ARL8A: variants seen among roughly 807,000 people sequenced by gnomAD.
ARL8A encodes ADP-ribosylation factor-like protein 8A.
A neutral mutation model predicts 31.2 loss-of-function variants in ARL8A; 10 were observed. The observed-to-expected ratio is 0.32, with a 90% CI of 0.20 to 0.54. The LOEUF is 0.54. Ranked by LOEUF, ARL8A falls within the 20% of genes least tolerant of loss-of-function variation. The pLI, the probability that ARL8A is intolerant of heterozygous loss-of-function variation, is 0.93. For synonymous variants in ARL8A, 70 were observed against 86.9 expected (o/e 0.81, Z 1.08); for missense variants, 129 against 242.8 (o/e 0.53, Z 3.12).
rs770857905 is a variant in ARL8A, at chr1:202,134,478, G to T, written c.550C>A (p.Arg184=). 1.7e-5 allele frequency: 28 copies of T among 1,613,238 alleles called. No individual in the cohort carries two copies. In the East Asian group the frequency reaches 5.6e-4, roughly 32 times the overall value. Residue 184 remains arginine (R), a synonymous_variant, in exon 7 of 7, where the codon CGG becomes AGG. Transcript: ENST00000272217. The surrounding 1 kb of genome is among the most constrained non-coding windows in gnomAD (Gnocchi z 4.2). ...GAAGGGCTGGAGTCTCAGCTTCTCCGTGACTTCGAGTGTTGAATAAGCCAC... is the reference window on the plus strand; with the variant it reads ...GAAGGGCTGGAGTCTCAGCTTCTCCTTGACTTCGAGTGTTGAATAAGCCAC... The part of the protein sequence containing the change: ...LQWLIQHSKS[R]RS
intron 1 of ARL8A, among the ~76,000 whole-genome samples, chr1:202,142,393 A>G (rs1655186122): frequency 6.6e-6 from 1 of 151,908 alleles, no homozygotes; most frequent in East Asian, 1.9e-4. Flanking sequence ...AGGGGTCCCA[A>G]CTCTTCGTTT....
rs538551193 is a variant in ARL8A, at chr1:202,138,287, C to A, written c.204+81G>T. The A allele has an allele frequency of 2.6e-4, 376 of 1,442,788 alleles. No homozygotes were observed. Among genetic ancestry groups the A allele is most frequent in the Non-Finnish European group, 3.4e-4 (359 of 1,060,172 alleles). The allele number at this position is 1,442,788 out of a possible 1,614,324, so 89.4% of individuals were successfully genotyped here. A position where few individuals can be genotyped will look rare whatever the true frequency, so the allele number is the denominator to read the frequency against. On this transcript the variant is annotated intron_variant, in intron 2 of 6. Coordinates refer to ENST00000272217, the MANE Select transcript of ARL8A (RefSeq NM_138795.4). The surrounding 1 kb of genome is among the most constrained non-coding windows in gnomAD (Gnocchi z 4.4). ...CGCTCCTCCCAGGGGCCTCCGTTGCCCTCCCCAACACACACACACACACAC... is the reference window on the plus strand; with the variant it reads ...CGCTCCTCCCAGGGGCCTCCGTTGCACTCCCCAACACACACACACACACAC...
intron 1 of ARL8A, among the ~76,000 whole-genome samples, chr1:202,143,601 C>CGA (rs1655221451): frequency 6.6e-6 from 1 of 152,202 alleles, no homozygotes; most frequent in Non-Finnish European, 1.5e-5. Context: ...TCATCTTCCC[C>CGA]TTTTTTGAGA....
rs762466601 is a variant in ARL8A, at chr1:202,138,328, A to ACACAC, written c.204+39_204+40insGTGTG. ...ACACACACACACACACACACACACA[A>ACACAC]AAACAGTCCTCTGCACCCCCCAAGC... is the stretch of plus-strand genomic sequence containing the variant. On this transcript the variant is annotated intron_variant, in intron 2 of 6. Transcript: ENST00000272217. This position sits in a 1 kb window ranked among gnomAD's most constrained non-coding sequence, Gnocchi z 4.4. 1.5e-5 allele frequency: 22 copies of ACACAC among 1,464,168 alleles called. 1 individual carries two copies. In the African/African-American group the frequency reaches 3.7e-4, roughly 25 times the overall value. The allele number at this position is 1,464,168 out of a possible 1,614,324, so 90.7% of individuals were successfully genotyped here.
At position 202,133,699 on chromosome 1, in the gene ARL8A, G is replaced by C. The variant is rs1654924723; in HGVS notation, c.*768C>G. ...GGGGAGGGGCGGGAGCTGGGAGCCAGGAACAGGCAGGAGGGGGCTGCTGGG... is the reference window on the plus strand; with the variant it reads ...GGGGAGGGGCGGGAGCTGGGAGCCACGAACAGGCAGGAGGGGGCTGCTGGG... On this transcript the variant is annotated 3_prime_UTR_variant, in exon 7 of 7. Transcript: ENST00000272217. 2 of 152,452 alleles carry C rather than the reference G, an allele frequency of 1.3e-5. No homozygotes were observed. The highest frequency in any genetic ancestry group is 6.5e-5 in the Admixed American group (1 of 15,314). 9.4% of individuals were successfully genotyped at this position (152,452 alleles called of 1,614,324 possible).
Position 202,135,555 on chromosome 1 carries a change from T to C in ARL8A, c.373-29A>G, listed in dbSNP as rs749059858. The stretch of plus-strand genomic sequence containing the variant: ...CGGAGAAGGGAGGGTGAGGATGAGG[T>C]CTAGGGCAGCCGTGCCCAGGTTGTC... On this transcript the variant is annotated intron_variant, in intron 4 of 6. Coordinates refer to ENST00000272217, the MANE Select transcript of ARL8A (RefSeq NM_138795.4). The surrounding 1 kb of genome is among the most constrained non-coding windows in gnomAD (Gnocchi z 5.3). 2.4e-5 allele frequency: 38 copies of C among 1,612,398 alleles called. No homozygotes were observed.
At position 202,144,679 on chromosome 1, in the gene ARL8A, T is replaced by A. The variant is rs1233864659; in HGVS notation, c.-107A>T. The A allele has an allele frequency of 9.5e-7, 1 of 1,052,406 alleles. No homozygotes were observed. Among genetic ancestry groups the A allele is most frequent in the East Asian group, 7.2e-5 (1 of 13,886 alleles). 65.2% of individuals were successfully genotyped at this position (1,052,406 alleles called of 1,614,324 possible). A position where few individuals can be genotyped will look rare whatever the true frequency, so the allele number is the denominator to read the frequency against. On this transcript the variant is annotated 5_prime_UTR_variant, in exon 1 of 7. Transcript: ENST00000272217. This position sits in a 1 kb window ranked among gnomAD's most constrained non-coding sequence, Gnocchi z 5.2. The stretch of plus-strand genomic sequence containing the variant: ...CCCGGTACGGCCCGGGTCCCGCGGC[T>A]CGGTGCGGGCGGAGGCTCGAGCGCG...
Position 202,138,252 on chromosome 1 carries a change from C to T in ARL8A, c.204+116G>A. 7.9e-7 allele frequency: 1 copy of T among 1,270,192 alleles called. No homozygotes were observed. Among genetic ancestry groups the T allele is most frequent in the Non-Finnish European group, 1.1e-6 (1 of 891,260 alleles). The allele number at this position is 1,270,192 out of a possible 1,614,324, so 78.7% of individuals were successfully genotyped here. ...AGCAGGGGGACCCTGGCCTCTGCCC[C>T]ACTTCAGCTCGCTCCTCCCAGGGGC... is the stretch of plus-strand genomic sequence containing the variant. On this transcript the variant is annotated intron_variant, in intron 2 of 6. Coordinates refer to ENST00000272217, the MANE Select transcript of ARL8A (RefSeq NM_138795.4). The surrounding 1 kb of genome is among the most constrained non-coding windows in gnomAD (Gnocchi z 4.4).
Position 202,138,301 on chromosome 1 carries a change from ACACAC to A in ARL8A, c.204+62_204+66del. The A allele has an allele frequency of 1.7e-6, 1 of 572,082 alleles. No homozygotes were observed. The highest frequency in any genetic ancestry group is 2.3e-6 in the Non-Finnish European group (1 of 428,564). 35.4% of individuals were successfully genotyped at this position (572,082 alleles called of 1,614,324 possible). ...GCCTCCGTTGCCCTCCCCAACACAC[ACACAC>A]ACACACACACACACACACACAAAAA... On this transcript the variant is annotated intron_variant, in intron 2 of 6. Coordinates refer to ENST00000272217, the MANE Select transcript of ARL8A (RefSeq NM_138795.4). The surrounding 1 kb of genome is among the most constrained non-coding windows in gnomAD (Gnocchi z 4.4).
At chr1:202,139,893 C>CT (rs1316547009) in intron 1 of ARL8A, among the ~76,000 whole-genome samples, 5 of 151,918 alleles carry the variant, frequency 3.3e-5, no homozygotes, top group Non-Finnish European at 1.5e-5. Context: ...AGTGATCTGC[C>CT]TACCTGGGCC....
chr1:202,135,122 TCTC>T lies in ARL8A; in HGVS notation c.511+25_511+27del. On this transcript the variant is annotated intron_variant, in intron 6 of 6. Transcript: ENST00000272217. The surrounding 1 kb of genome is among the most constrained non-coding windows in gnomAD (Gnocchi z 5.3). Reference sequence around the variant, plus strand: ...AAAACACTCAGAAATGCCTCTCCCCTCTCCTCCCTTTCCCCCATCCTACGCACC... The same window carrying T: ...AAAACACTCAGAAATGCCTCTCCCCTCTCCCTTTCCCCCATCCTACGCACC... 2.5e-6 allele frequency: 4 copies of T among 1,601,766 alleles called. No individual in the cohort carries two copies. The highest frequency in any genetic ancestry group is 3.4e-6 in the Non-Finnish European group (4 of 1,168,894).
chr1:202,144,080 G>A lies in ARL8A; in HGVS notation c.123+370C>T, dbSNP rs1393756127. On this transcript the variant is annotated intron_variant, in intron 1 of 6. Transcript: ENST00000272217. This position sits in a 1 kb window ranked among gnomAD's most constrained non-coding sequence, Gnocchi z 5.2. The stretch of plus-strand genomic sequence containing the variant: ...GGGACAGGAAGGCCCGTGCACTTTC[G>A]CCCCGTCATGCCCCCTTGCGCGGGG... Among the ~76,000 whole-genome samples, 1 of 152,114 alleles carries A rather than the reference G, an allele frequency of 6.6e-6. No individual in the cohort carries two copies. The highest frequency in any genetic ancestry group is 1.5e-5 in the Non-Finnish European group (1 of 67,976).
At chr1:202,139,433 T>C (rs887732802) in intron 1 of ARL8A, among the ~76,000 whole-genome samples, 1 of 151,492 alleles carries the variant, frequency 6.6e-6, no homozygotes, top group Non-Finnish European at 1.5e-5. Flanking sequence ...ATTAGCCGGG[T>C]GTGGTGGCGT....
rs1655071808 is a variant in ARL8A at position 202,138,307 on chromosome 1, AC to A, written c.204+60del. Reference sequence around the variant, plus strand: ...GTTGCCCTCCCCAACACACACACACACACACACACACACACACACAAAAACA... The same window carrying A: ...GTTGCCCTCCCCAACACACACACACAACACACACACACACACACAAAAACA... On this transcript the variant is annotated intron_variant, in intron 2 of 6. Coordinates refer to ENST00000272217, the MANE Select transcript of ARL8A (RefSeq NM_138795.4). This position sits in a 1 kb window ranked among gnomAD's most constrained non-coding sequence, Gnocchi z 4.4. 1.3e-6 allele frequency: 2 copies of A among 1,509,634 alleles called. No individual in the cohort carries two copies. Among genetic ancestry groups the A allele is most frequent in the African/African-American group, 1.4e-5 (1 of 72,126 alleles). 93.5% of individuals were successfully genotyped at this position (1,509,634 alleles called of 1,614,324 possible).
chr1:202,137,135 C>T (rs1655031852), intron 3 of ARL8A, among the ~76,000 whole-genome samples: 1 of 152,078 alleles, frequency 6.6e-6, no homozygotes, highest in African/African-American at 2.4e-5. Flanking sequence ...GGATTACAGG[C>T]GTGAGCCACC....
Position 202,134,386 on chromosome 1 carries a change from G to A in ARL8A, c.*81C>T, listed in dbSNP as rs1654946015. 2 of 1,459,926 alleles carry A rather than the reference G, an allele frequency of 1.4e-6. No homozygotes were observed. Among genetic ancestry groups the A allele is most frequent in the South Asian group, 2.3e-5 (2 of 87,328 alleles). The allele number at this position is 1,459,926 out of a possible 1,614,324, so 90.4% of individuals were successfully genotyped here. Reference sequence around the variant, plus strand: ...CTGGGTGAGGAGGGGTGGGCTTAGGGGGACGACAGGGGTGGGCGGGGAGCT... The same window carrying A: ...CTGGGTGAGGAGGGGTGGGCTTAGGAGGACGACAGGGGTGGGCGGGGAGCT... On this transcript the variant is annotated 3_prime_UTR_variant, in exon 7 of 7. Coordinates refer to ENST00000272217, the MANE Select transcript of ARL8A (RefSeq NM_138795.4). The surrounding 1 kb of genome is among the most constrained non-coding windows in gnomAD (Gnocchi z 4.2).
chr1:202,138,510 A>G lies in ARL8A; in HGVS notation c.124-62T>C. Reference sequence around the variant, plus strand: ...ATCGATATGCCCCCACCGCAGACCAAGAGGCTGCGAGAACCATGCAGAGGC... The same window carrying G: ...ATCGATATGCCCCCACCGCAGACCAGGAGGCTGCGAGAACCATGCAGAGGC... On this transcript the variant is annotated intron_variant, in intron 1 of 6. Coordinates refer to ENST00000272217, the MANE Select transcript of ARL8A (RefSeq NM_138795.4). This position sits in a 1 kb window ranked among gnomAD's most constrained non-coding sequence, Gnocchi z 4.4. 6.7e-7 allele frequency: 1 copy of G among 1,488,460 alleles called. No homozygotes were observed. The highest frequency in any genetic ancestry group is 1.1e-5 in the South Asian group (1 of 88,226). The allele number at this position is 1,488,460 out of a possible 1,614,324, so 92.2% of individuals were successfully genotyped here. A position where few individuals can be genotyped will look rare whatever the true frequency, so the allele number is the denominator to read the frequency against.
rs781476053 is a variant in ARL8A, at chr1:202,134,421, G to A, written c.*46C>T. ...GGGTGGGCGGGGAGCTCGGCTTCAG[G>A]TTTAGATGATGACGGTCCCTGGTCT... On this transcript the variant is annotated 3_prime_UTR_variant, in exon 7 of 7. Transcript: ENST00000272217. The surrounding 1 kb of genome is among the most constrained non-coding windows in gnomAD (Gnocchi z 4.2). 2 of 1,588,810 alleles carry A rather than the reference G, an allele frequency of 1.3e-6. No individual in the cohort carries two copies. The highest frequency in any genetic ancestry group is 1.1e-5 in the South Asian group (1 of 90,498).
intron 3 of ARL8A, among the ~76,000 whole-genome samples, chr1:202,137,362 C>A (rs753066464): frequency 6.6e-6 from 1 of 151,944 alleles, no homozygotes; most frequent in Non-Finnish European, 1.5e-5. Flanking sequence ...GAGGGCTGCG[C>A]GCGGTGGCTC....
Sources: allele counts gnomAD v4.1 joint callset (sites outside exome capture counted in the v4.1 genomes callset), GRCh38; gene constraint gnomAD v4.1.1; non-coding constraint Gnocchi (gnomAD v3.1); transcripts MANE v1.5; gene names NCBI Gene and HGNC (gene_info 2026-07-23, HGNC 2026-07-21).